TSHZ2: variants seen among roughly 807,000 people sequenced by gnomAD.
The protein encoded by TSHZ2 is teashirt zinc finger homeobox 2.
In TSHZ2, 21 loss-of-function variants were observed where a neutral mutation model predicts 74.4. That is an observed-to-expected ratio of 0.28 (90% CI 0.20 to 0.41). The LOEUF is 0.41. Ranked by LOEUF, TSHZ2 falls within the 10% of genes least tolerant of loss-of-function variation. The pLI, the probability that TSHZ2 is intolerant of heterozygous loss-of-function variation, is 1.00. For synonymous variants in TSHZ2, 540 were observed against 515.3 expected (o/e 1.05, Z -0.65); for missense variants, 1,244 against 1,293.5 (o/e 0.96, Z 0.59).
intron 1 of TSHZ2, among the ~76,000 whole-genome samples, chr20:53,236,256 G>T (rs1159795387): frequency 6.6e-6 from 1 of 152,122 alleles, no homozygotes; most frequent in East Asian, 1.9e-4. Context: ...TCTTTTATTT[G>T]CTCTGGCATT....
chr20:53,185,764 T>C, intron 1 of TSHZ2: 3 of 1,496,252 alleles, frequency 2.0e-6, no homozygotes, highest in Non-Finnish European at 1.8e-6. Flanking sequence ...CCTTCAACCA[T>C]TTTCTTAATG....
chr20:53,154,974 A>T (rs1323614347), intron 1 of TSHZ2, among the ~76,000 whole-genome samples: 4 of 151,146 alleles, frequency 2.6e-5, no homozygotes, highest in African/African-American at 9.7e-5. Flanking sequence ...GATGCCTGTC[A>T]CCTCGATGTA....
chr20:53,363,539 T>C (rs1219574742), intron 2 of TSHZ2, among the ~76,000 whole-genome samples: 2 of 152,156 alleles, frequency 1.3e-5, no homozygotes, highest in Non-Finnish European at 2.9e-5. Flanking sequence ...TTCTCCAACA[T>C]GGAGTCTGTG....
intron 1 of TSHZ2, among the ~76,000 whole-genome samples, chr20:53,048,652 C>G (rs1984317971): frequency 6.6e-6 from 1 of 152,242 alleles, no homozygotes; most frequent in African/African-American, 2.4e-5. Context: ...GAGAGCCCCA[C>G]CAGCAGCTCA....
At chr20:53,091,861 TA>T (rs1321234147) in intron 1 of TSHZ2, among the ~76,000 whole-genome samples, 1 of 152,120 alleles carries the variant, frequency 6.6e-6, no homozygotes, top group African/African-American at 2.4e-5. Flanking sequence ...CTGGGCAACA[TA>T]ACAAGAGCCT....
intron 2 of TSHZ2, among the ~76,000 whole-genome samples, chr20:53,273,624 G>C (rs1018065803): frequency 1.3e-5 from 2 of 152,156 alleles, no homozygotes; most frequent in African/African-American, 4.8e-5. Flanking sequence ...TGGCTACTGG[G>C]TGTGGAATGG....
intron 2 of TSHZ2, among the ~76,000 whole-genome samples, chr20:53,367,274 C>T (rs577723234): frequency 1.3e-5 from 2 of 151,376 alleles, no homozygotes; most frequent in African/African-American, 2.4e-5. Flanking sequence ...CATGGTGGCT[C>T]GTGCCTGTAA....
chr20:53,264,636 G>A (rs751688478), intron 2 of TSHZ2, among the ~76,000 whole-genome samples: 8 of 152,218 alleles, frequency 5.3e-5, no homozygotes, highest in Admixed American at 2.6e-4. Context: ...TGCCTTGCAA[G>A]CTACCCAGCA....
intron 1 of TSHZ2, among the ~76,000 whole-genome samples, chr20:53,162,726 A>G (rs6068471): frequency 0.028 from 4,281 of 152,250 alleles, 98 homozygotes; most frequent in Non-Finnish European, 0.043. Context: ...AAAAGTGGGT[A>G]TAGAGGCAGA....
chr20:53,402,315 C>T lies in TSHZ2; in HGVS notation c.*9-84829C>T, dbSNP rs1018307448. Among the ~76,000 whole-genome samples the T allele has an allele frequency of 3.3e-5, 5 of 152,184 alleles. No homozygotes were observed. The East Asian group carries it at 9.6e-4, about 29-fold the overall frequency. On this transcript the variant is annotated intron_variant, in intron 2 of 2. Coordinates refer to ENST00000371497, the MANE Select transcript of TSHZ2 (RefSeq NM_173485.6). ...TTGTACTAGTTTACATTCCCACTGG[C>T]AGCATAAGTCTTTTCTATGTTTAGA...
intron 1 of TSHZ2, among the ~76,000 whole-genome samples, chr20:53,242,635 C>T (rs1219319364): frequency 7.3e-6 from 1 of 137,728 alleles, no homozygotes; most frequent in African/African-American, 2.8e-5. Flanking sequence ...AGTAACCCAC[C>T]CTGTGAGTTT....
chr20:53,485,616 G>A (rs1015492145), intron 2 of TSHZ2, among the ~76,000 whole-genome samples: 1 of 152,058 alleles, frequency 6.6e-6, no homozygotes, highest in African/African-American at 2.4e-5. Context: ...GGCTGAAGCA[G>A]GAGAATTACT....
At chr20:53,318,284 C>G (rs1396870546) in intron 2 of TSHZ2, among the ~76,000 whole-genome samples, 1 of 152,104 alleles carries the variant, frequency 6.6e-6, no homozygotes. Flanking sequence ...TTTCCCAACC[C>G]CTTTCTGGAA....
intron 1 of TSHZ2, among the ~76,000 whole-genome samples, chr20:53,175,842 G>A (rs75355464): frequency 0.013 from 2,025 of 152,318 alleles, 51 homozygotes; most frequent in African/African-American, 0.046. Context: ...CATTCATTCA[G>A]CTAAACTTTA....
intron 2 of TSHZ2, among the ~76,000 whole-genome samples, chr20:53,273,217 A>G (rs1990873951): frequency 6.6e-6 from 1 of 152,244 alleles, no homozygotes; most frequent in South Asian, 2.1e-4. Flanking sequence ...GGGGAAATAA[A>G]AGAACGTTGG....
intron 1 of TSHZ2, among the ~76,000 whole-genome samples, chr20:53,045,868 C>G (rs1476937466): frequency 6.6e-6 from 1 of 152,216 alleles, no homozygotes; most frequent in East Asian, 1.9e-4. Flanking sequence ...AAGTGCCACT[C>G]TGCATGTACC....
At chr20:53,419,946 C>T (rs1183752979) in intron 2 of TSHZ2, among the ~76,000 whole-genome samples, 1 of 152,232 alleles carries the variant, frequency 6.6e-6, no homozygotes. Flanking sequence ...TATGCAAGGA[C>T]CATCTGTCAC....
intron 1 of TSHZ2, among the ~76,000 whole-genome samples, chr20:52,998,375 G>C (rs944270783): frequency 6.6e-6 from 1 of 152,152 alleles, no homozygotes; most frequent in Non-Finnish European, 1.5e-5. Flanking sequence ...CGCCATGTTG[G>C]CCAGGCTGGT....
intron 1 of TSHZ2, among the ~76,000 whole-genome samples, chr20:53,032,240 C>G (rs996520192): frequency 2.0e-5 from 3 of 152,186 alleles, no homozygotes; most frequent in Admixed American, 2.0e-4. Flanking sequence ...GAGCGGATGA[C>G]TTTTTGACAC....
Sources: allele counts gnomAD v4.1 joint callset (sites outside exome capture counted in the v4.1 genomes callset), GRCh38; gene constraint gnomAD v4.1.1; transcripts MANE v1.5; gene names NCBI Gene and HGNC (gene_info 2026-07-23, HGNC 2026-07-21).